UBE2D4: variants seen among roughly 807,000 people sequenced by gnomAD.
The protein encoded by UBE2D4 is ubiquitin-conjugating enzyme E2 D4.
In UBE2D4, 17 loss-of-function variants were observed where a neutral mutation model predicts 23.0. The ratio of observed to expected loss-of-function variants is 0.74; its 90% CI spans 0.51 to 1.11. The LOEUF (loss-of-function observed/expected upper bound fraction) is 1.11. UBE2D4 is among the 50% of genes least tolerant of loss of function. The probability of loss-of-function intolerance (pLI) is 0.00; values close to 1 mark genes in which losing one functional copy is unlikely to be tolerated. For synonymous variants in UBE2D4, 61 were observed against 69.4 expected, an observed-to-expected ratio of 0.88 and a Z score of 0.60; for missense variants, 139 against 181.8, an observed-to-expected ratio of 0.76 and a Z score of 1.35.
Position 43,926,455 on chromosome 7 carries a change from T to C in UBE2D4, c.-78T>C. ...CAGGCTGCGGCTCCCGGCGTGCAGC[T>C]TGGTGGCGGCTGAGCCGGCAGCGGG... is the stretch of plus-strand genomic sequence containing the variant. On this transcript the variant is annotated 5_prime_UTR_variant, in exon 1 of 7. Coordinates refer to ENST00000222402, the MANE Select transcript of UBE2D4 (RefSeq NM_015983.4). 1.5e-6 allele frequency: 2 copies of C among 1,318,534 alleles called. No homozygotes were observed. Among genetic ancestry groups the C allele is most frequent in the Non-Finnish European group, 2.0e-6 (2 of 1,008,096 alleles). 81.7% of individuals were successfully genotyped at this position (1,318,534 alleles called of 1,614,324 possible).
Position 43,950,647 on chromosome 7 carries a change from C to A in UBE2D4, c.353C>A (p.Pro118His). 1 of 1,614,220 alleles carries A rather than the reference C, an allele frequency of 6.2e-7. No homozygotes were observed. The highest frequency in any genetic ancestry group is 1.1e-5 in the South Asian group (1 of 91,090). ...SLLCDPNPDDPLVPEIAHTYK... is the reference protein window; with the variant it reads ...SLLCDPNPDDHLVPEIAHTYK... ...CTCTGCGACCCCAACCCCGATGACC[C>A]CCTGGTGCCAGAGATAGCACACACC... The change falls in exon 6 of 7, where the codon CCC becomes CAC. Residue 118 changes from proline (P) to histidine (H), a missense_variant. Coordinates refer to ENST00000222402, the MANE Select transcript of UBE2D4 (RefSeq NM_015983.4).
Position 43,938,331 on chromosome 7 carries a change from C to CCT in UBE2D4, c.25-98_25-97dup. ...CTAACCCCCTCCTGAGGCCTAGGAG[C>CCT]CTCCTCCCACCAGGAGAATTCCTTC... On this transcript the variant is annotated intron_variant, in intron 1 of 6. Coordinates refer to ENST00000222402, the MANE Select transcript of UBE2D4 (RefSeq NM_015983.4). 2.6e-6 allele frequency: 3 copies of CCT among 1,165,420 alleles called. No individual in the cohort carries two copies. The South Asian group carries it at 3.7e-5, about 14-fold the overall frequency. 72.2% of individuals were successfully genotyped at this position (1,165,420 alleles called of 1,614,324 possible).
At position 43,948,705 on chromosome 7, in the gene UBE2D4, C is replaced by CTCA. The variant is rs766240118; in HGVS notation, c.273_275dup (p.Ser91_Gln92insHis). 8.1e-6 allele frequency: 13 copies of CTCA among 1,613,698 alleles called. No homozygotes were observed. The African/African-American group carries it at 1.7e-4, about 22-fold the overall frequency. The stretch of plus-strand genomic sequence containing the variant: ...AGCATCTGCCTTGATATCCTGCGGT[C>CTCA]TCAGTGGTCTCCAGCGTTGACTGTG... On this transcript the variant is annotated inframe_insertion, in exon 5 of 7. Transcript: ENST00000222402.
At chr7:43,937,066 G>A (rs540231427) in intron 1 of UBE2D4, among the ~76,000 whole-genome samples, 66 of 152,200 alleles carry the variant, frequency 4.3e-4, no homozygotes, top group Non-Finnish European at 7.6e-4. Flanking sequence ...TTAAGTGCTG[G>A]TGTAACTGTT....
intron 1 of UBE2D4, among the ~76,000 whole-genome samples, chr7:43,930,745 T>C (rs1334879274): frequency 6.6e-6 from 1 of 152,180 alleles, no homozygotes; most frequent in African/African-American, 2.4e-5. Flanking sequence ...TGAGCCACTG[T>C]TCTCAACCAG....
At chr7:43,938,006 A>G (rs963977620) in intron 1 of UBE2D4, among the ~76,000 whole-genome samples, 1 of 152,128 alleles carries the variant, frequency 6.6e-6, no homozygotes, top group African/African-American at 2.4e-5. Context: ...TTAGCCTAGC[A>G]GTAAAACCTG....
chr7:43,945,976 G>T lies in UBE2D4; in HGVS notation c.199-2656G>T, dbSNP rs536473110. ...TTTTTGTATTTTTAGTAGAGACGAG[G>T]TTTCACCATATTGGCCAGGCTGGTC... On this transcript the variant is annotated intron_variant, in intron 4 of 6. Coordinates refer to ENST00000222402, the MANE Select transcript of UBE2D4 (RefSeq NM_015983.4). Among the ~76,000 whole-genome samples the T allele has an allele frequency of 2.6e-5, 4 of 151,952 alleles. No homozygotes were observed. In the East Asian group the frequency reaches 7.7e-4, roughly 29 times the overall value.
intron 4 of UBE2D4, among the ~76,000 whole-genome samples, chr7:43,946,597 T>C (rs995473267): frequency 5.9e-5 from 9 of 152,330 alleles, no homozygotes; most frequent in Middle Eastern, 3.4e-3. Context: ...ATCTTGGAAA[T>C]TGTTCCATAT....
At chr7:43,931,555 C>G (rs891505999) in intron 1 of UBE2D4, among the ~76,000 whole-genome samples, 1 of 136,256 alleles carries the variant, frequency 7.3e-6, no homozygotes, top group African/African-American at 2.7e-5. Flanking sequence ...GCACTAGTGT[C>G]TGCTCTGCTT....
intron 1 of UBE2D4, 98 bp downstream of exon 1, chr7:43,926,654 C>A: frequency 7.5e-7 from 1 of 1,326,170 alleles, no homozygotes; most frequent in Non-Finnish European, 1.0e-6. Context: ...GGAGGCTCCG[C>A]GAGTCGCGGA....
intron 2 of UBE2D4, among the ~76,000 whole-genome samples, chr7:43,939,187 C>T (rs2095965425): frequency 6.6e-6 from 1 of 152,226 alleles, no homozygotes; most frequent in East Asian, 1.9e-4. Flanking sequence ...GGGAGCAGAG[C>T]AGGACAGTGG....
chr7:43,945,776 CTTTTTTTTTTTTTT>C (rs11339851), intron 4 of UBE2D4, among the ~76,000 whole-genome samples: 1 of 84,190 alleles, frequency 1.2e-5, no homozygotes, highest in African/African-American at 4.3e-5. Flanking sequence ...GGCAAAATCC[CTTTTTTTTTTTTTT>C]TTTTTTTTTT....
intron 6 of UBE2D4, 76 bp downstream of exon 6, chr7:43,950,768 G>C (rs2096000608): frequency 8.4e-7 from 1 of 1,190,680 alleles, no homozygotes; most frequent in African/African-American, 1.5e-5. Context: ...GCTCTGAGCT[G>C]GTGCTTCTAG....
In UBE2D4 at chr7:43,938,349, A is replaced by G; in HGVS notation, c.25-82A>G. 15 of 1,408,794 alleles carry G rather than the reference A, an allele frequency of 1.1e-5. No individual in the cohort carries two copies. The African/African-American group carries it at 1.3e-4, about 12-fold the overall frequency. The allele number at this position is 1,408,794 out of a possible 1,614,324, so 87.3% of individuals were successfully genotyped here. A position where few individuals can be genotyped will look rare whatever the true frequency, so the allele number is the denominator to read the frequency against. ...CTAGGAGCCTCCTCCCACCAGGAGA[A>G]TTCCTTCCAGCTACCAAGATTGGTA... On this transcript the variant is annotated intron_variant, in intron 1 of 6. Coordinates refer to ENST00000222402, the MANE Select transcript of UBE2D4 (RefSeq NM_015983.4).
At chr7:43,949,379 G>T (rs930653078) in intron 5 of UBE2D4, among the ~76,000 whole-genome samples, 7 of 152,190 alleles carry the variant, frequency 4.6e-5, no homozygotes, top group African/African-American at 1.7e-4. Flanking sequence ...GAGAAACAGA[G>T]CCTGGCCTAA....
chr7:43,926,746 C>CGCGGG (rs1016223412), intron 1 of UBE2D4, among the ~76,000 whole-genome samples, 190 bp downstream of exon 1: 4 of 151,626 alleles, frequency 2.6e-5, no homozygotes, highest in Non-Finnish European at 5.9e-5. Context: ...ATTGCGCGAG[C>CGCGGG]GCGGGGCGGG....
At position 43,933,013 on chromosome 7, in the gene UBE2D4, T is replaced by TATACAC. The variant is rs1340458201; in HGVS notation, c.25-5417_25-5416insTACACA. Among the ~76,000 whole-genome samples the TATACAC allele has an allele frequency of 2.8e-4, 33 of 116,644 alleles. 1 individual carries two copies. Among genetic ancestry groups the TATACAC allele is most frequent in the Non-Finnish European group, 3.7e-4 (21 of 57,250 alleles). The allele number at this position is 116,644 out of a possible 152,430, so 76.5% of individuals were successfully genotyped here. ...ATATATATATATATATATATATATATACACACACATATATATACACATATG... is the reference window on the plus strand; with the variant it reads ...ATATATATATATATATATATATATATATACACACACACACATATATATACACATATG... On this transcript the variant is annotated intron_variant, in intron 1 of 6. Coordinates refer to ENST00000222402, the MANE Select transcript of UBE2D4 (RefSeq NM_015983.4).
chr7:43,943,213 T>C, intron 4 of UBE2D4, 182 bp downstream of exon 4: 1 of 647,708 alleles, frequency 1.5e-6, no homozygotes, highest in Non-Finnish European at 2.7e-6. Context: ...TTAGCACCTG[T>C]TGTGATCAAG....
At position 43,942,600 on chromosome 7, in the gene UBE2D4, C is replaced by G. The variant is rs139056971; in HGVS notation, c.89-226C>G. 1.9e-3 allele frequency: 1,206 copies of G among 622,650 alleles called. 1 individual carries two copies. The highest frequency in any genetic ancestry group is 3.0e-3 in the Non-Finnish European group (1,068 of 350,384). 38.6% of individuals were successfully genotyped at this position (622,650 alleles called of 1,614,324 possible). On this transcript the variant is annotated intron_variant, in intron 2 of 6. Transcript: ENST00000222402. ...CTCCTGATGTTAACCTATGTTGTTT[C>G]CCTGTGATAACCAGCAATCTTAAGC...
Sources: gnomAD v4.1 joint callset for allele counts (sites outside exome capture counted in the v4.1 genomes callset) on GRCh38, gnomAD v4.1.1 for gene constraint, MANE v1.5 for transcripts, NCBI Gene and HGNC (gene_info 2026-07-23, HGNC 2026-07-21) for gene names.